NOS1: variants seen among roughly 807,000 people sequenced by gnomAD.
NOS1 encodes NOS type I.
NOS1 carries 51 observed loss-of-function variants against 164.5 expected under a neutral mutation model. That is an observed-to-expected ratio of 0.31 (90% CI 0.25 to 0.39). The LOEUF (loss-of-function observed/expected upper bound fraction) is 0.39, where lower values mean the gene tolerates loss of function less well. Ranked by LOEUF, NOS1 falls within the 10% of genes least tolerant of loss-of-function variation. The pLI is 1.00. For missense variants in NOS1, 1,362 were observed against 1,885.6 expected, an observed-to-expected ratio of 0.72 and a Z score of 5.14; for synonymous variants, 719 against 745.8, an observed-to-expected ratio of 0.96 and a Z score of 0.59.
At chr12:117,279,206 A>G (rs765997058) in intron 8 of NOS1, among the ~76,000 whole-genome samples, 5 of 151,822 alleles carry the variant, frequency 3.3e-5, no homozygotes, top group Admixed American at 6.6e-5. Context: ...GTGAAACCCT[A>G]TCTCTACTAA....
chr12:117,223,543 A>T (rs1247810997), intron 25 of NOS1, among the ~76,000 whole-genome samples: 1 of 151,440 alleles, frequency 6.6e-6, no homozygotes, highest in Admixed American at 6.6e-5. Context: ...TATAAGCGTG[A>T]GCCACTGTGC....
intron 10 of NOS1, among the ~76,000 whole-genome samples, chr12:117,271,479 A>G (rs1592973783): frequency 6.6e-6 from 1 of 152,094 alleles, no homozygotes; most frequent in African/African-American, 2.4e-5. Context: ...GGTTTCACCA[A>G]GTTGGTCAGG....
At chr12:117,322,430 C>T (rs1451706441) in intron 2 of NOS1, among the ~76,000 whole-genome samples, 1 of 132,226 alleles carries the variant, frequency 7.6e-6, no homozygotes, top group Non-Finnish European at 1.6e-5. Context: ...CCTCCCTTTC[C>T]TCACTCCTGC....
chr12:117,328,251 A>T (rs531656843), intron 2 of NOS1, among the ~76,000 whole-genome samples: 1 of 152,036 alleles, frequency 6.6e-6, no homozygotes, highest in East Asian at 1.9e-4. Context: ...GCTCACTGCA[A>T]CCTCTGTCTC....
At position 117,209,212 on chromosome 12, in the gene NOS1, GA is replaced by G. The variant is rs1401778968; in HGVS notation, c.*6096del. On this transcript the variant is annotated 3_prime_UTR_variant, in exon 29 of 29. Transcript: ENST00000317775. ...AGATTCTCTTGACCCTGAAGTCCAAGAGAGGGGTGTTGCCCCCTGGGGACAT... is the reference window on the plus strand; with the variant it reads ...AGATTCTCTTGACCCTGAAGTCCAAGGAGGGGTGTTGCCCCCTGGGGACAT... The G allele has an allele frequency of 1.4e-5, 14 of 985,316 alleles. No individual in the cohort carries two copies. Among genetic ancestry groups the G allele is most frequent in the African/African-American group, 3.5e-5 (2 of 57,240 alleles). 61.0% of individuals were successfully genotyped at this position (985,316 alleles called of 1,614,324 possible).
intron 3 of NOS1, 23 bp downstream of exon 3, chr12:117,311,443 C>A: frequency 3.2e-6 from 5 of 1,585,680 alleles, no homozygotes; most frequent in Non-Finnish European, 4.3e-6. Context: ...AGCAGTGGTA[C>A]CAGCTTGGCA....
chr12:117,283,054 A>T (rs866313921), intron 7 of NOS1, among the ~76,000 whole-genome samples: 14 of 101,100 alleles, frequency 1.4e-4, no homozygotes, highest in Middle Eastern at 5.2e-3. Context: ...ATATATATAT[A>T]TATTTTTTTT....
Position 117,212,158 on chromosome 12 carries a change from A to C in NOS1, c.*3151T>G. The C allele has an allele frequency of 1.0e-6, 1 of 985,394 alleles. No individual in the cohort carries two copies. Among genetic ancestry groups the C allele is most frequent in the Non-Finnish European group, 1.2e-6 (1 of 829,900 alleles). The allele number at this position is 985,394 out of a possible 1,614,324, so 61.0% of individuals were successfully genotyped here. A position where few individuals can be genotyped will look rare whatever the true frequency, so the allele number is the denominator to read the frequency against. On this transcript the variant is annotated 3_prime_UTR_variant, in exon 29 of 29. Coordinates refer to ENST00000317775, the MANE Select transcript of NOS1 (RefSeq NM_000620.5). ...GGTGCCTTCCACACACTGGAGAAGC[A>C]AGACATGTTATAAGTTAAGTGAAAA...
Position 117,210,367 on chromosome 12 carries a change from T to C in NOS1, c.*4942A>G. 1.0e-6 allele frequency: 1 copy of C among 985,290 alleles called. No homozygotes were observed. Among genetic ancestry groups the C allele is most frequent in the Non-Finnish European group, 1.2e-6 (1 of 829,912 alleles). 61.0% of individuals were successfully genotyped at this position (985,290 alleles called of 1,614,324 possible). A position where few individuals can be genotyped will look rare whatever the true frequency, so the allele number is the denominator to read the frequency against. ...GTATGAATGGGTTATAAAGGAAGAC[T>C]AGTTAGTGTTTCTCTCTCCTTGTTG... On this transcript the variant is annotated 3_prime_UTR_variant, in exon 29 of 29. Coordinates refer to ENST00000317775, the MANE Select transcript of NOS1 (RefSeq NM_000620.5).
At chr12:117,291,176 T>C (rs1445250292) in intron 3 of NOS1, among the ~76,000 whole-genome samples, 2 of 152,102 alleles carry the variant, frequency 1.3e-5, no homozygotes, top group Non-Finnish European at 2.9e-5. Flanking sequence ...ATTGCACCAC[T>C]GCACTCCAGC....
chr12:117,210,685 T>C lies in NOS1; in HGVS notation c.*4624A>G. 2 of 985,444 alleles carry C rather than the reference T, an allele frequency of 2.0e-6. No individual in the cohort carries two copies. The highest frequency in any genetic ancestry group is 9.4e-5 in the South Asian group (2 of 21,284). 61.0% of individuals were successfully genotyped at this position (985,444 alleles called of 1,614,324 possible). On this transcript the variant is annotated 3_prime_UTR_variant, in exon 29 of 29. Transcript: ENST00000317775. ...GGACACCTCTCACTTGTTTTGAGCT[T>C]AGGGCAAGACCTGACCTCTTTCAAA...
chr12:117,233,971 A>G (rs565002767), intron 21 of NOS1, among the ~76,000 whole-genome samples: 1 of 152,216 alleles, frequency 6.6e-6, no homozygotes, highest in Non-Finnish European at 1.5e-5. Context: ...CTGCCAGGTA[A>G]GCTCACTGCA....
chr12:117,338,079 T>C (rs984656927), intron 1 of NOS1, among the ~76,000 whole-genome samples: 2 of 151,886 alleles, frequency 1.3e-5, no homozygotes, highest in Non-Finnish European at 2.9e-5. Context: ...TAGCTGGGTG[T>C]GGTGGCAGGC....
intron 13 of NOS1, 97 bp downstream of exon 13, chr12:117,263,792 A>G (rs1872135094): frequency 1.2e-6 from 1 of 862,768 alleles, no homozygotes; most frequent in South Asian, 1.4e-5. Context: ...TATTCTGTAG[A>G]GAGGTCAGAG....
chr12:117,328,035 C>G (rs1875341426), intron 2 of NOS1, among the ~76,000 whole-genome samples: 1 of 152,064 alleles, frequency 6.6e-6, no homozygotes, highest in Admixed American at 6.6e-5. Context: ...AAGGTGCATG[C>G]CAAGCAGTGC....
chr12:117,305,853 G>A (rs570003229), intron 3 of NOS1, among the ~76,000 whole-genome samples: 1 of 150,724 alleles, frequency 6.6e-6, no homozygotes, highest in South Asian at 2.1e-4. Flanking sequence ...GTGCAGTGGT[G>A]CAGTCTCGGC....
At position 117,226,787 on chromosome 12, in the gene NOS1, G is replaced by C. The variant is rs1296342910; in HGVS notation, c.3617-17C>G. ...CTTCTCCATCTAGTAGAATAACCAA[G>C]GCAGTCAGGGCCACCCACTGCTCCC... On this transcript the variant is annotated splice_polypyrimidine_tract_variant and intron_variant, in intron 23 of 28. Transcript: ENST00000317775. 6.2e-7 allele frequency: 1 copy of C among 1,605,002 alleles called. No individual in the cohort carries two copies. Among genetic ancestry groups the C allele is most frequent in the Non-Finnish European group, 8.5e-7 (1 of 1,172,408 alleles).
chr12:117,269,680 A>G (rs1176967184), intron 10 of NOS1, among the ~76,000 whole-genome samples: 1 of 151,892 alleles, frequency 6.6e-6, no homozygotes, highest in Non-Finnish European at 1.5e-5. Context: ...GTTGGCCAGG[A>G]TGGTCTCGAT....
At chr12:117,338,341 C>T (rs1234426581) in intron 1 of NOS1, among the ~76,000 whole-genome samples, 1 of 151,788 alleles carries the variant, frequency 6.6e-6, no homozygotes. Context: ...GTTGAGGCTA[C>T]CGTGAGCCAA....
Sources: allele counts gnomAD v4.1 joint callset (sites outside exome capture counted in the v4.1 genomes callset), GRCh38; gene constraint gnomAD v4.1.1; transcripts MANE v1.5; gene names NCBI Gene and HGNC (gene_info 2026-07-23, HGNC 2026-07-21).